The following CORO2A variants were observed in gnomAD, a reference collection of about 807,000 sequenced individuals.
The protein encoded by CORO2A is coronin-2A.
Under a neutral mutation model 62.4 loss-of-function variants are expected in CORO2A, and 47 were observed. The observed-to-expected ratio is 0.75, with a 90% CI of 0.60 to 0.96. The LOEUF (loss-of-function observed/expected upper bound fraction) is 0.96. Among genes scored for constraint, CORO2A ranks in the 40% least tolerant of loss-of-function variants. The pLI is 0.00. For missense variants in CORO2A, 610 were observed against 684.1 expected, an observed-to-expected ratio of 0.89 and a Z score of 1.21; for synonymous variants, 273 against 268.9, an observed-to-expected ratio of 1.02 and a Z score of -0.15.
intron 2 of CORO2A, among the ~76,000 whole-genome samples, chr9:98,153,324 C>T (rs976507108): frequency 2.9e-4 from 44 of 152,056 alleles, no homozygotes; most frequent in African/African-American, 8.4e-4. Flanking sequence ...TGATGTCGAA[C>T]TCCTGACTTC....
At chr9:98,173,311 T>C (rs1025276703) in intron 1 of CORO2A, among the ~76,000 whole-genome samples, 1 of 152,210 alleles carries the variant, frequency 6.6e-6, no homozygotes, top group Non-Finnish European at 1.5e-5. Context: ...CCCAGCTCTA[T>C]GATTCACAAC....
At chr9:98,126,060 G>A (rs1587988996) in intron 11 of CORO2A, among the ~76,000 whole-genome samples, 1 of 137,510 alleles carries the variant, frequency 7.3e-6, no homozygotes, top group East Asian at 2.1e-4. Context: ...TTTTAAGATG[G>A]AGTCTTGCTC....
chr9:98,166,582 T>G (rs12338195), intron 1 of CORO2A, among the ~76,000 whole-genome samples: 1 of 152,156 alleles, frequency 6.6e-6, no homozygotes, highest in Non-Finnish European at 1.5e-5. Flanking sequence ...TGCAAAAGGG[T>G]TTAGTTGCTA....
chr9:98,126,096 T>C (rs1322938476), intron 11 of CORO2A, among the ~76,000 whole-genome samples: 1 of 148,692 alleles, frequency 6.7e-6, no homozygotes, highest in African/African-American at 2.5e-5. Context: ...AGTGCAGTGG[T>C]GTGATCTTGG....
chr9:98,191,721 C>T (rs1229273650), intron 1 of CORO2A, among the ~76,000 whole-genome samples: 1 of 152,194 alleles, frequency 6.6e-6, no homozygotes, highest in Non-Finnish European at 1.5e-5. Context: ...TGCTCTGCCC[C>T]ATCCCTTAAT....
rs1404115862 is a variant in CORO2A, at chr9:98,192,420, G to A, written c.-1+139C>T. ...TGCTTTGTGCAAGGTCACGCAAAGG[G>A]GCTGAAAGCCAGGTCCCCCGCGCTC... On this transcript the variant is annotated intron_variant, in intron 1 of 11. Transcript: ENST00000375077. 2.0e-5 allele frequency: 3 copies of A among 152,396 alleles called. No individual in the cohort carries two copies. The East Asian group carries it at 5.8e-4, about 29-fold the overall frequency. 9.4% of individuals were successfully genotyped at this position (152,396 alleles called of 1,614,324 possible). A position where few individuals can be genotyped will look rare whatever the true frequency, so the allele number is the denominator to read the frequency against.
intron 2 of CORO2A, among the ~76,000 whole-genome samples, chr9:98,152,813 C>T (rs1244021570): frequency 6.6e-6 from 1 of 152,010 alleles, no homozygotes; most frequent in Non-Finnish European, 1.5e-5. Context: ...TTCTACTGAA[C>T]AACTGACCTT....
chr9:98,124,977 C>A, intron 11 of CORO2A, 72 bp from the exon 12 acceptor site: 1 of 1,517,612 alleles, frequency 6.6e-7, no homozygotes, highest in East Asian at 2.5e-5. Context: ...ACCACTATCC[C>A]TCTTTGACTC....
chr9:98,167,646 G>A (rs1827980086), intron 1 of CORO2A, among the ~76,000 whole-genome samples: 1 of 151,412 alleles, frequency 6.6e-6, no homozygotes, highest in African/African-American at 2.4e-5. Context: ...CAAACCAATT[G>A]CAAAAAGGCA....
At chr9:98,191,790 A>G (rs1259052050) in intron 1 of CORO2A, among the ~76,000 whole-genome samples, 1 of 152,210 alleles carries the variant, frequency 6.6e-6, no homozygotes, top group Non-Finnish European at 1.5e-5. Flanking sequence ...CGTGGCCGCC[A>G]GTCACCCCTT....
rs1827279585 is a variant in CORO2A, at chr9:98,124,015, T to C, written c.*759A>G. Reference sequence around the variant, plus strand: ...CATGTTGGCCAGGCTGGTTTCTTTCTTTTTTTTTTTTTTTTGAGACAGACT... The same window carrying C: ...CATGTTGGCCAGGCTGGTTTCTTTCCTTTTTTTTTTTTTTTGAGACAGACT... On this transcript the variant is annotated 3_prime_UTR_variant, in exon 12 of 12. Coordinates refer to ENST00000375077, the MANE Select transcript of CORO2A (RefSeq NM_052820.4). 1 of 73,904 alleles carries C rather than the reference T, an allele frequency of 1.4e-5. No individual in the cohort carries two copies. The highest frequency in any genetic ancestry group is 1.1e-4 in the Admixed American group (1 of 8,846). The allele number at this position is 73,904 out of a possible 1,614,324, so 4.6% of individuals were successfully genotyped here. A position where few individuals can be genotyped will look rare whatever the true frequency, so the allele number is the denominator to read the frequency against.
intron 1 of CORO2A, among the ~76,000 whole-genome samples, chr9:98,180,002 CAAACA>C (rs148470079): frequency 0.013 from 1,955 of 151,608 alleles, 33 homozygotes; most frequent in African/African-American, 0.045. Context: ...GACTCCATCT[CAAACA>C]AAACAAAACA....
At chr9:98,144,285 G>T (rs1267184336) in intron 2 of CORO2A, among the ~76,000 whole-genome samples, 1 of 151,912 alleles carries the variant, frequency 6.6e-6, no homozygotes, top group African/African-American at 2.4e-5. Flanking sequence ...CATAATATTT[G>T]ATTTACCTCC....
At chr9:98,125,040 C>G in intron 11 of CORO2A, 135 bp from the exon 12 acceptor site, 1 of 843,170 alleles carries the variant, frequency 1.2e-6, no homozygotes, top group Non-Finnish European at 1.8e-6. Context: ...GGGGCTGTCA[C>G]TGCATAGATC....
intron 2 of CORO2A, among the ~76,000 whole-genome samples, chr9:98,140,283 C>G (rs1332647166): frequency 1.3e-5 from 2 of 152,168 alleles, no homozygotes; most frequent in African/African-American, 4.8e-5. Context: ...GTTGGAGGGG[C>G]TGATTGCAAG....
chr9:98,152,918 G>A (rs1248680555), intron 2 of CORO2A, among the ~76,000 whole-genome samples: 1 of 152,072 alleles, frequency 6.6e-6, no homozygotes, highest in Non-Finnish European at 1.5e-5. Flanking sequence ...AGAAAAAAAA[G>A]CTATTATAAA....
Position 98,133,215 on chromosome 9 carries a change from C to T in CORO2A, c.471G>A (p.Val157=). ...ILFSAGYDYK[V]MIWNLDTKES... is the part of the protein sequence containing the mutation. ...CCTTTGTATCCAGGTTCCAGATCAT[C>T]ACCTGCATGGCAGAGAGCCAGCTCT... is the stretch of plus-strand genomic sequence containing the variant. Residue 157 remains valine, a splice_region_variant and synonymous_variant, in exon 5 of 12, where the codon GTG becomes GTA. Transcript: ENST00000375077. 6.2e-7 allele frequency: 1 copy of T among 1,614,152 alleles called. No homozygotes were observed. Among genetic ancestry groups the T allele is most frequent in the East Asian group, 2.2e-5 (1 of 44,880 alleles).
chr9:98,153,621 C>T (rs1257050711), intron 2 of CORO2A, among the ~76,000 whole-genome samples: 1 of 150,150 alleles, frequency 6.7e-6, no homozygotes, highest in Non-Finnish European at 1.5e-5. Flanking sequence ...ACTGCCCAGG[C>T]TATATGTCTG....
At chr9:98,158,951 T>C (rs1827845025) in intron 1 of CORO2A, among the ~76,000 whole-genome samples, 2 of 152,126 alleles carry the variant, frequency 1.3e-5, no homozygotes, top group Non-Finnish European at 2.9e-5. Flanking sequence ...GGTCTAGGCC[T>C]CTTTCATGGC....
Sources: gnomAD v4.1 joint callset for allele counts (sites outside exome capture counted in the v4.1 genomes callset) on GRCh38, gnomAD v4.1.1 for gene constraint, MANE v1.5 for transcripts, NCBI Gene and HGNC (gene_info 2026-07-23, HGNC 2026-07-21) for gene names.